ANKHD1: variants seen among roughly 807,000 people sequenced by gnomAD.
ANKHD1 encodes ankyrin repeat and KH domain-containing protein 1.
In ANKHD1, 31 loss-of-function variants were observed where a neutral mutation model predicts 230.5. That is an observed-to-expected ratio of 0.13 (90% CI 0.10 to 0.18). ANKHD1 has a LOEUF of 0.18. Ranked by LOEUF, ANKHD1 falls within the 10% of genes least tolerant of loss-of-function variation. The pLI, the probability that ANKHD1 is intolerant of heterozygous loss-of-function variation, is 1.00. For missense variants in ANKHD1, 2,256 were observed against 3,071.3 expected (o/e 0.73, Z 6.27); for synonymous variants, 1,074 against 1,117.6 (o/e 0.96, Z 0.78).
intron 1 of ANKHD1, among the ~76,000 whole-genome samples, chr5:140,426,672 A>G (rs1772445650): frequency 6.6e-6 from 1 of 152,156 alleles, no homozygotes; most frequent in Admixed American, 6.5e-5. Context: ...GGCCTTCCGC[A>G]GTGTTTGTGT....
At chr5:140,443,434 T>TGG (rs1774023503) in intron 5 of ANKHD1, among the ~76,000 whole-genome samples, 1 of 151,754 alleles carries the variant, frequency 6.6e-6, no homozygotes, top group African/African-American at 2.4e-5. Flanking sequence ...CTCACGCCTG[T>TGG]AATCCCAGCA....
chr5:140,450,704 T>C (rs1284992598), intron 7 of ANKHD1, among the ~76,000 whole-genome samples: 1 of 152,166 alleles, frequency 6.6e-6, no homozygotes, highest in East Asian at 1.9e-4. Flanking sequence ...CATGCCTAGC[T>C]AACTTTTAAA....
intron 22 of ANKHD1, among the ~76,000 whole-genome samples, chr5:140,511,740 A>G (rs1752779243): frequency 6.6e-6 from 1 of 152,182 alleles, no homozygotes. Flanking sequence ...AGTTTTGATA[A>G]ACGTATACAT....
chr5:140,419,308 G>GT (rs1237437473), intron 1 of ANKHD1, among the ~76,000 whole-genome samples: 18 of 80,862 alleles, frequency 2.2e-4, no homozygotes, highest in African/African-American at 6.9e-4. Context: ...CTGTTGATTG[G>GT]GTTTTTTTTA....
Position 140,402,189 on chromosome 5 carries a change from G to A in ANKHD1, c.222G>A (p.Ala74=). Residue 74 remains alanine, a synonymous_variant, in exon 1 of 34, where the codon GCG becomes GCA. Coordinates refer to ENST00000360839, the MANE Select transcript of ANKHD1 (RefSeq NM_017747.3). ...GCGGTACGGGCGGAGGGGACGCGGC[G>A]CTGGATTTCAAGTTGGCGGCTGCCG... is the stretch of plus-strand genomic sequence containing the variant. ...SGSGTGGGDA[A]LDFKLAAAVL... The A allele has an allele frequency of 1.3e-6, 2 of 1,524,446 alleles. No individual in the cohort carries two copies. Among genetic ancestry groups the A allele is most frequent in the Non-Finnish European group, 8.8e-7 (1 of 1,140,652 alleles). 94.4% of individuals were successfully genotyped at this position (1,524,446 alleles called of 1,614,324 possible).
chr5:140,495,081 C>T (rs556312218), intron 14 of ANKHD1, among the ~76,000 whole-genome samples: 2 of 152,126 alleles, frequency 1.3e-5, no homozygotes, highest in Non-Finnish European at 2.9e-5. Flanking sequence ...CCACTACTGT[C>T]CCTGTCTCTA....
intron 1 of ANKHD1, among the ~76,000 whole-genome samples, chr5:140,406,561 A>G (rs1158599799): frequency 7.1e-6 from 1 of 141,068 alleles, no homozygotes; most frequent in African/African-American, 2.6e-5. Flanking sequence ...CTTTCAGTAC[A>G]TTTTTTTTTT....
chr5:140,436,054 A>G, intron 1 of ANKHD1, 50 bp from the exon 2 acceptor site: 1 of 1,411,654 alleles, frequency 7.1e-7, no homozygotes. Flanking sequence ...AGTTATTCTA[A>G]TCATATTGAT....
At chr5:140,452,180 C>A (rs1294161894) in intron 7 of ANKHD1, among the ~76,000 whole-genome samples, 3 of 152,144 alleles carry the variant, frequency 2.0e-5, no homozygotes. Flanking sequence ...GGGAGGGGCA[C>A]CCACCATTGC....
At chr5:140,530,880 G>T (rs1264162842) in intron 29 of ANKHD1, among the ~76,000 whole-genome samples, 1 of 152,234 alleles carries the variant, frequency 6.6e-6, no homozygotes, top group Non-Finnish European at 1.5e-5. Context: ...AAAATTATTT[G>T]TGAGTTATGA....
chr5:140,528,661 A>C lies in ANKHD1; in HGVS notation c.5715A>C (p.Pro1905=), dbSNP rs1227272861. Reference sequence around the variant, plus strand: ...ATCCTGGCAACACAAATAGCTCTCCAAAGCATAATAACACAAGCCGTCTAC... The same window carrying C: ...ATCCTGGCAACACAAATAGCTCTCCCAAGCATAATAACACAAGCCGTCTAC... ...PVNPGNTNSS[P]KHNNTSRLPN... The change falls in exon 29 of 34, where the codon CCA becomes CCC. Residue 1905 remains proline (P), a synonymous_variant. Transcript: ENST00000360839. 1 of 1,614,130 alleles carries C rather than the reference A, an allele frequency of 6.2e-7. No individual in the cohort carries two copies.
chr5:140,406,186 C>T (rs989039427), intron 1 of ANKHD1, among the ~76,000 whole-genome samples: 1 of 150,710 alleles, frequency 6.6e-6, no homozygotes, highest in South Asian at 2.1e-4. Context: ...TGCAGTGAGC[C>T]GAGATCACGC....
Position 140,529,720 on chromosome 5 carries a change from G to T in ANKHD1, c.6774G>T (p.Leu2258Phe). The change falls in exon 29 of 34, where the codon TTG becomes TTT. Residue 2258 changes from leucine (L) to phenylalanine (F), a missense_variant. This residue lies in a region of ANKHD1 where 778 missense variants were observed against 966.5 expected (regional missense o/e 0.80). Transcript: ENST00000360839. ...TGGGTAACTCAGTGCTTGGACACTT[G>T]GAAAACATGCACCCTGATAACTCAA... The part of the protein sequence containing the change: ...AFLGNSVLGH[L>F]ENMHPDNSKA... The T allele has an allele frequency of 6.2e-7, 1 of 1,614,096 alleles. No individual in the cohort carries two copies. The highest frequency in any genetic ancestry group is 8.5e-7 in the Non-Finnish European group (1 of 1,180,038).
chr5:140,437,167 C>A (rs141930367), intron 2 of ANKHD1, among the ~76,000 whole-genome samples: 191 of 152,244 alleles, frequency 1.3e-3, no homozygotes, highest in African/African-American at 4.5e-3. Flanking sequence ...TTGTGGGTAT[C>A]CTTCCATGAC....
In ANKHD1 at chr5:140,485,386, A is replaced by G. The variant is rs977820361; in HGVS notation, c.1998+138A>G. On this transcript the variant is annotated intron_variant, in intron 12 of 33. Coordinates refer to ENST00000360839, the MANE Select transcript of ANKHD1 (RefSeq NM_017747.3). This position sits in a 1 kb window ranked among gnomAD's most constrained non-coding sequence, Gnocchi z 4.8. Reference sequence around the variant, plus strand: ...AGTCTAGGCAACATAAGGAGACCCCATCTCTATTAAAACACACACACACAC... The same window carrying G: ...AGTCTAGGCAACATAAGGAGACCCCGTCTCTATTAAAACACACACACACAC... The G allele has an allele frequency of 1.8e-5, 24 of 1,345,564 alleles. No individual in the cohort carries two copies. Among genetic ancestry groups the G allele is most frequent in the Middle Eastern group, 2.7e-4 (1 of 3,728 alleles). 83.4% of individuals were successfully genotyped at this position (1,345,564 alleles called of 1,614,324 possible). A position where few individuals can be genotyped will look rare whatever the true frequency, so the allele number is the denominator to read the frequency against.
intron 7 of ANKHD1, among the ~76,000 whole-genome samples, chr5:140,457,214 G>C (rs1275098784): frequency 6.6e-6 from 1 of 152,214 alleles, no homozygotes; most frequent in Admixed American, 6.5e-5. Flanking sequence ...ACAGGTGCTG[G>C]AGAGGATGTG....
At chr5:140,486,152 C>A in intron 13 of ANKHD1, 1 of 183,786 alleles carries the variant, frequency 5.4e-6, no homozygotes, top group Non-Finnish European at 1.1e-5. Flanking sequence ...GCAACCTCCG[C>A]CTCCCAGGCT....
At chr5:140,403,045 C>A (rs1457593269) in intron 1 of ANKHD1, among the ~76,000 whole-genome samples, 1 of 143,836 alleles carries the variant, frequency 7.0e-6, no homozygotes. Flanking sequence ...TCTCAGCTCA[C>A]TGCAACCTCC....
Position 140,445,886 on chromosome 5 carries a change from T to C in ANKHD1, c.1058T>C (p.Val353Ala), listed in dbSNP as rs752842304. The C allele has an allele frequency of 1.2e-6, 2 of 1,613,806 alleles. No individual in the cohort carries two copies. Among genetic ancestry groups the C allele is most frequent in the East Asian group, 2.2e-5 (1 of 44,856 alleles). The part of the protein sequence containing the change: ...MEAASAGHVE[V>A]ARVLLDHGAG... ...GCAGCCAGTGCAGGTCATGTGGAAG[T>C]TGCAAGAGTTCTTTTAGATCATGGT... Residue 353 changes from valine (V) to alanine (A), a missense_variant, in exon 6 of 34, where the codon GTT becomes GCT. Val to Ala is a moderately conservative substitution (Grantham distance 64, BLOSUM62 0). Transcript: ENST00000360839.
Sources: gnomAD v4.1 joint callset for allele counts (sites outside exome capture counted in the v4.1 genomes callset) on GRCh38, gnomAD v4.1.1 for gene constraint, gnomAD v4.1.1 regional missense constraint, Gnocchi (gnomAD v3.1) non-coding constraint, MANE v1.5 for transcripts, NCBI Gene and HGNC (gene_info 2026-07-23, HGNC 2026-07-21) for gene names.